ANK3: variants seen among roughly 807,000 people sequenced by gnomAD.
The protein encoded by ANK3 is ankyrin-3.
In ANK3, 57 loss-of-function variants were observed where a neutral mutation model predicts 370.9. The ratio of observed to expected loss-of-function variants is 0.15; its 90% CI spans 0.12 to 0.19. ANK3 has a LOEUF of 0.19. ANK3 is among the 10% of genes least tolerant of loss of function. The pLI is 1.00. For synonymous variants in ANK3, 1,929 were observed against 1,946.3 expected (o/e 0.99, Z 0.23); for missense variants, 4,439 against 5,302.1 (o/e 0.84, Z 5.06).
intron 2 of ANK3, among the ~76,000 whole-genome samples, chr10:60,581,881 T>C (rs1033140360): frequency 2.6e-5 from 4 of 152,002 alleles, no homozygotes; most frequent in African/African-American, 4.8e-5. Flanking sequence ...CAAATGCCCA[T>C]CAATGATAGA....
chr10:60,405,266 C>T (rs2132913647), intron 2 of ANK3, among the ~76,000 whole-genome samples: 1 of 151,982 alleles, frequency 6.6e-6, no homozygotes, highest in Admixed American at 6.5e-5. Flanking sequence ...AAATAAAAGC[C>T]CAGATGTTAA....
chr10:60,704,102 T>A (rs895127293), intron 1 of ANK3, among the ~76,000 whole-genome samples: 2 of 152,216 alleles, frequency 1.3e-5, no homozygotes, highest in African/African-American at 4.8e-5. Context: ...AGAGGCTATG[T>A]TCTCAGCCCT....
At chr10:60,239,806 C>T (rs2097397575) in intron 7 of ANK3, among the ~76,000 whole-genome samples, 1 of 151,798 alleles carries the variant, frequency 6.6e-6, no homozygotes, top group Non-Finnish European at 1.5e-5. Flanking sequence ...ACAACAACCA[C>T]ACATAGATGA....
Position 60,242,316 on chromosome 10 carries a change from G to T in ANK3, c.799-7530C>A, listed in dbSNP as rs533319625. 2.0e-5 allele frequency among the ~76,000 whole-genome samples: 3 copies of T among 152,042 alleles called. No homozygotes were observed. The East Asian group carries it at 5.8e-4, about 29-fold the overall frequency. On this transcript the variant is annotated intron_variant, in intron 7 of 43. Coordinates refer to ENST00000280772, the MANE Select transcript of ANK3 (RefSeq NM_020987.5). ...TATTCCTTTACAACTTCATCACACCGCTCTACAGTAATATATGGTATTATA... is the reference window on the plus strand; with the variant it reads ...TATTCCTTTACAACTTCATCACACCTCTCTACAGTAATATATGGTATTATA...
chr10:60,387,840 A>G lies in ANK3; in HGVS notation c.114+1585T>C, dbSNP rs540631136. Among the ~76,000 whole-genome samples, 4 of 152,358 alleles carry G rather than the reference A, an allele frequency of 2.6e-5. No individual in the cohort carries two copies. The East Asian group carries it at 7.7e-4, about 29-fold the overall frequency. On this transcript the variant is annotated intron_variant, in intron 1 of 43. Coordinates refer to ENST00000280772, the MANE Select transcript of ANK3 (RefSeq NM_020987.5). Reference sequence around the variant, plus strand: ...ACAGGGACCCAGGCACAAAGGTAACAGATCTGTCATCACTGCTACCGAAAA... The same window carrying G: ...ACAGGGACCCAGGCACAAAGGTAACGGATCTGTCATCACTGCTACCGAAAA...
In ANK3 at chr10:60,574,360, G is replaced by C. The variant is rs568847953; in HGVS notation, c.96+40826C>G. On this transcript the variant is annotated intron_variant, in intron 2 of 43. Coordinates refer to the ANK3 transcript ENST00000373827. ...ATTTGAGCTAATTTCTATTTGAGGT[G>C]TGCGCATTAATTATAATAATACACA... Among the ~76,000 whole-genome samples, 26 of 152,286 alleles carry C rather than the reference G, an allele frequency of 1.7e-4. No individual in the cohort carries two copies. The South Asian group carries it at 5.4e-3, about 32-fold the overall frequency.
chr10:60,562,963 C>T (rs987854221), intron 2 of ANK3, among the ~76,000 whole-genome samples: 4 of 152,048 alleles, frequency 2.6e-5, no homozygotes, highest in African/African-American at 7.2e-5. Context: ...TATATCCCCC[C>T]CAAAGTCTAT....
intron 2 of ANK3, among the ~76,000 whole-genome samples, chr10:60,595,298 G>A (rs1014807298): frequency 2.0e-5 from 3 of 152,100 alleles, no homozygotes; most frequent in Admixed American, 2.0e-4. Flanking sequence ...ACTCAAATCA[G>A]CTTCCACAAA....
intron 2 of ANK3, chr10:60,572,572 G>T (rs773256407): frequency 6.5e-7 from 1 of 1,529,338 alleles, no homozygotes; most frequent in African/African-American, 1.4e-5. Context: ...GATCACCGCC[G>T]GTATTCCAAC....
chr10:60,148,365 A>G (rs1042981266), intron 23 of ANK3, among the ~76,000 whole-genome samples: 2 of 152,164 alleles, frequency 1.3e-5, no homozygotes, highest in African/African-American at 4.8e-5. Flanking sequence ...TCATTGCTCC[A>G]CCTGGAAAAG....
chr10:60,651,932 TA>T (rs2078794001), intron 1 of ANK3, among the ~76,000 whole-genome samples: 1 of 152,172 alleles, frequency 6.6e-6, no homozygotes. Flanking sequence ...GTCTAAAAAC[TA>T]GATACTAAAA....
At chr10:60,202,159 T>C (rs1259565160) in intron 12 of ANK3, among the ~76,000 whole-genome samples, 2 of 152,178 alleles carry the variant, frequency 1.3e-5, no homozygotes, top group East Asian at 1.9e-4. Flanking sequence ...TTCACTCTTA[T>C]TGGCCAGGCT....
intron 2 of ANK3, among the ~76,000 whole-genome samples, chr10:60,522,404 T>C (rs1419534138): frequency 2.0e-5 from 3 of 151,398 alleles, no homozygotes; most frequent in African/African-American, 4.9e-5. Context: ...GCTTGGAACA[T>C]GGCCCTTTTC....
At chr10:60,638,151 G>A (rs1588954011) in intron 1 of ANK3, among the ~76,000 whole-genome samples, 1 of 152,206 alleles carries the variant, frequency 6.6e-6, no homozygotes, top group Admixed American at 6.5e-5. Flanking sequence ...ACAGATCTAT[G>A]CATGGATGAG....
At position 60,363,970 on chromosome 10, in the gene ANK3, GTTTTTTTTTTTT is replaced by G. The variant is rs113960102; in HGVS notation, c.114+25443_114+25454del. ...TAGTTAAAAAAGAGGAAGGAGAAGTGTTTTTTTTTTTTTTTTTTTTTTTTAACTTTAAGAGAA... is the reference window on the plus strand; with the variant it reads ...TAGTTAAAAAAGAGGAAGGAGAAGTGTTTTTTTTTTTTAACTTTAAGAGAA... On this transcript the variant is annotated intron_variant, in intron 1 of 43. Coordinates refer to ENST00000280772, the MANE Select transcript of ANK3 (RefSeq NM_020987.5). 1.8e-4 allele frequency among the ~76,000 whole-genome samples: 25 copies of G among 138,232 alleles called. No homozygotes were observed. In the South Asian group the frequency reaches 5.1e-3, roughly 28 times the overall value. The allele number at this position is 138,232 out of a possible 152,430, so 90.7% of individuals were successfully genotyped here.
chr10:60,576,836 G>A (rs374907655), intron 2 of ANK3, among the ~76,000 whole-genome samples: 1 of 152,128 alleles, frequency 6.6e-6, no homozygotes, highest in East Asian at 1.9e-4. Context: ...CTGTGGCAAG[G>A]GTTTCCCCTG....
chr10:60,031,735 G>C (rs545809202), intron 43 of ANK3, among the ~76,000 whole-genome samples: 16 of 152,222 alleles, frequency 1.1e-4, no homozygotes, highest in Admixed American at 1.0e-3. Context: ...CTTTAGATGG[G>C]TCACCTAGGA....
chr10:60,081,445 T>C (rs1175792456), intron 35 of ANK3: 2 of 412,096 alleles, frequency 4.9e-6, no homozygotes, highest in Non-Finnish European at 9.5e-6. Flanking sequence ...TTTATTACTA[T>C]TGATGTGTGG....
chr10:60,327,813 A>T (rs938195216), intron 1 of ANK3, among the ~76,000 whole-genome samples: 2 of 152,212 alleles, frequency 1.3e-5, no homozygotes, highest in Non-Finnish European at 2.9e-5. Flanking sequence ...AGGGCCACTC[A>T]TTGGACTTTC....
Sources: allele counts gnomAD v4.1 joint callset (sites outside exome capture counted in the v4.1 genomes callset), GRCh38; gene constraint gnomAD v4.1.1; transcripts MANE v1.5; gene names NCBI Gene and HGNC (gene_info 2026-07-23, HGNC 2026-07-21).